Variants in SBF2 observed in about 807,000 individuals in gnomAD.
SBF2 encodes myotubularin-related protein 13.
SBF2 carries 112 observed loss-of-function variants against 225.2 expected under a neutral mutation model. That is an observed-to-expected ratio of 0.50 (90% CI 0.43 to 0.58). The LOEUF (loss-of-function observed/expected upper bound fraction) is 0.58, where lower values mean the gene tolerates loss of function less well. SBF2 is among the 20% of genes least tolerant of loss of function. SBF2 has a pLI of 0.00. For missense variants in SBF2, 1,996 were observed against 2,206.2 expected (o/e 0.90, Z 1.91); for synonymous variants, 763 against 773.3 (o/e 0.99, Z 0.22).
rs989598954 is a variant in SBF2 at position 9,779,380 on chromosome 11, C to G, written c.*1038G>C. The G allele has an allele frequency of 6.6e-6, 1 of 152,628 alleles. No homozygotes were observed. The highest frequency in any genetic ancestry group is 1.5e-5 in the Non-Finnish European group (1 of 68,030). The allele number at this position is 152,628 out of a possible 1,614,324, so 9.5% of individuals were successfully genotyped here. A position where few individuals can be genotyped will look rare whatever the true frequency, so the allele number is the denominator to read the frequency against. On this transcript the variant is annotated 3_prime_UTR_variant, in exon 40 of 40. Coordinates refer to ENST00000256190, the MANE Select transcript of SBF2 (RefSeq NM_030962.4). ...GTAGCGAAGATGCTGTTTCTGTTTACCATGAGCAAACAGCATTTCTTGGGT... is the reference window on the plus strand; with the variant it reads ...GTAGCGAAGATGCTGTTTCTGTTTAGCATGAGCAAACAGCATTTCTTGGGT...
chr11:10,020,870 T>A (rs1442300221), intron 6 of SBF2, among the ~76,000 whole-genome samples: 3 of 146,100 alleles, frequency 2.1e-5, no homozygotes, highest in Non-Finnish European at 3.0e-5. Flanking sequence ...AAAGTAAGAA[T>A]AATATTTGTA....
intron 16 of SBF2, among the ~76,000 whole-genome samples, chr11:9,916,274 A>T (rs1460777880): frequency 6.6e-6 from 1 of 152,204 alleles, no homozygotes; most frequent in Non-Finnish European, 1.5e-5. Flanking sequence ...GCTAGCTCTC[A>T]GTTTCAAGAA....
At chr11:9,986,660 A>T (rs535225741) in intron 13 of SBF2, among the ~76,000 whole-genome samples, 1 of 152,290 alleles carries the variant, frequency 6.6e-6, no homozygotes, top group South Asian at 2.1e-4. Context: ...TTACGCACAT[A>T]AACTAGAAAA....
intron 28 of SBF2, chr11:9,828,366 A>G (rs972004022): frequency 9.5e-6 from 11 of 1,159,266 alleles, no homozygotes; most frequent in Non-Finnish European, 1.2e-5. Flanking sequence ...TAGAGATAAC[A>G]AGGCAATGTT....
intron 17 of SBF2, 141 bp from the exon 18 acceptor site, chr11:9,858,537 C>T (rs1857485565): frequency 3.7e-6 from 3 of 815,748 alleles, no homozygotes; most frequent in Admixed American, 2.6e-5. Flanking sequence ...GCTTAGCAAT[C>T]AGCAACTTAC....
Position 9,780,110 on chromosome 11 carries a change from T to C in SBF2, c.*308A>G, listed in dbSNP as rs112420167. The C allele has an allele frequency of 3.1e-5, 12 of 393,204 alleles. No homozygotes were observed. The highest frequency in any genetic ancestry group is 2.4e-4 in the African/African-American group (12 of 49,082). The allele number at this position is 393,204 out of a possible 1,614,324, so 24.4% of individuals were successfully genotyped here. On this transcript the variant is annotated 3_prime_UTR_variant, in exon 40 of 40. Coordinates refer to ENST00000256190, the MANE Select transcript of SBF2 (RefSeq NM_030962.4). Reference sequence around the variant, plus strand: ...TTTCATGAAGAAGGACCCAAGTAGGTGGTAGCCATTTTGCCTGGGTGAGGT... The same window carrying C: ...TTTCATGAAGAAGGACCCAAGTAGGCGGTAGCCATTTTGCCTGGGTGAGGT...
chr11:10,001,745 A>C (rs4909918), intron 7 of SBF2, among the ~76,000 whole-genome samples: 79,058 of 151,712 alleles, frequency 0.52, 21,100 homozygotes, highest in Admixed American at 0.61. Flanking sequence ...CCAGGATGGT[A>C]TGGATCTCTT....
intron 2 of SBF2, among the ~76,000 whole-genome samples, chr11:10,087,187 T>C (rs991160544): frequency 6.6e-6 from 1 of 152,294 alleles, no homozygotes; most frequent in East Asian, 1.9e-4. Context: ...TCAATCATTC[T>C]CTCATCTGTG....
intron 17 of SBF2, among the ~76,000 whole-genome samples, chr11:9,866,607 C>T (rs191697896): frequency 3.9e-5 from 6 of 152,256 alleles, no homozygotes; most frequent in East Asian, 1.9e-4. Context: ...CAATGTAAGA[C>T]GTGAAACTAT....
chr11:10,294,275 G>C (rs1017360783), upstream of SBF2: 11 of 381,832 alleles, frequency 2.9e-5, no homozygotes, highest in Non-Finnish European at 4.5e-5. Context: ...GCGCTGGCTC[G>C]GCTGCCCCAA....
intron 2 of SBF2, among the ~76,000 whole-genome samples, chr11:10,071,929 C>G (rs1590889521): frequency 1.3e-5 from 2 of 152,114 alleles, no homozygotes; most frequent in African/African-American, 4.8e-5. Context: ...CGCATCAATA[C>G]AGAAATTTGT....
chr11:9,875,474 C>T (rs1859149871), intron 17 of SBF2, among the ~76,000 whole-genome samples: 2 of 152,170 alleles, frequency 1.3e-5, no homozygotes, highest in South Asian at 2.1e-4. Context: ...TAATACAAAA[C>T]AAATGTTACT....
intron 2 of SBF2, among the ~76,000 whole-genome samples, chr11:10,142,142 CT>C (rs762588502): frequency 2.2e-4 from 34 of 152,252 alleles, no homozygotes; most frequent in Admixed American, 3.9e-4. Flanking sequence ...CTTCTGAATG[CT>C]TTAGACATTT....
rs75241927 is a variant in SBF2 at position 10,137,360 on chromosome 11, T to C, written c.141+56542A>G. ...CTACAAACAGGGACAGATTTATTCCTTCCATTTTGATCTGCATGTCCTTTA... is the reference window on the plus strand; with the variant it reads ...CTACAAACAGGGACAGATTTATTCCCTCCATTTTGATCTGCATGTCCTTTA... On this transcript the variant is annotated intron_variant, in intron 2 of 39. Coordinates refer to ENST00000256190, the MANE Select transcript of SBF2 (RefSeq NM_030962.4). Among the ~76,000 whole-genome samples the C allele has an allele frequency of 6.1e-3, 928 of 152,308 alleles. 9 individuals are homozygous for C. The highest frequency in any genetic ancestry group is 0.021 in the African/African-American group (876 of 41,560).
chr11:10,048,371 T>C (rs549031362), intron 2 of SBF2, among the ~76,000 whole-genome samples: 40 of 152,338 alleles, frequency 2.6e-4, no homozygotes, highest in African/African-American at 9.4e-4. Context: ...GGTTGTTTCT[T>C]TACTGTGAGT....
intron 1 of SBF2, among the ~76,000 whole-genome samples, chr11:10,246,142 A>G (rs1426745564): frequency 6.6e-6 from 1 of 152,348 alleles, no homozygotes; most frequent in Non-Finnish European, 1.5e-5. Context: ...ATCACACACA[A>G]AAAAAGAAAG....
At chr11:10,020,857 T>C (rs991862535) in intron 6 of SBF2, among the ~76,000 whole-genome samples, 5 of 147,012 alleles carry the variant, frequency 3.4e-5, no homozygotes, top group African/African-American at 1.2e-4. Flanking sequence ...AACTTTTATG[T>C]ACAAAGTAAG....
Position 10,020,094 on chromosome 11 carries a change from A to ACT in SBF2, c.619+8356_619+8357dup, listed in dbSNP as rs574238544. Among the ~76,000 whole-genome samples, 168 of 152,036 alleles carry ACT rather than the reference A, an allele frequency of 1.1e-3. 6 individuals carry two copies. The South Asian group carries it at 0.034, about 31-fold the overall frequency. On this transcript the variant is annotated intron_variant, in intron 6 of 39. Transcript: ENST00000256190. ...AGGTGATGGTCAGGTAAGTTGTTAA[A>ACT]CTCTCTCTCTAAAATAATAATTGGT... is the stretch of plus-strand genomic sequence containing the variant.
chr11:9,962,371 T>A (rs1023131994), intron 15 of SBF2, among the ~76,000 whole-genome samples: 4 of 152,222 alleles, frequency 2.6e-5, no homozygotes, highest in Non-Finnish European at 5.9e-5. Context: ...TTTCTTCAAG[T>A]TAACAAAACT....
Sources: gnomAD v4.1 joint callset for allele counts (sites outside exome capture counted in the v4.1 genomes callset) on GRCh38, gnomAD v4.1.1 for gene constraint, MANE v1.5 for transcripts, NCBI Gene and HGNC (gene_info 2026-07-23, HGNC 2026-07-21) for gene names.